AGO2: variants seen among roughly 807,000 people sequenced by gnomAD.
The protein encoded by AGO2 is protein argonaute-2.
In AGO2, 5 loss-of-function variants were observed where a neutral mutation model predicts 102.3. The ratio of observed to expected loss-of-function variants is 0.05; its 90% CI spans 0.03 to 0.10. AGO2 has a LOEUF of 0.10. AGO2 is among the 10% of genes least tolerant of loss of function. AGO2 has a pLI of 1.00. For missense variants in AGO2, 541 were observed against 1,183.7 expected (o/e 0.46, Z 7.97); for synonymous variants, 449 against 473.1 (o/e 0.95, Z 0.66).
chr8:140,622,110 T>C (rs544832592), intron 1 of AGO2, among the ~76,000 whole-genome samples: 2 of 152,296 alleles, frequency 1.3e-5, no homozygotes, highest in African/African-American at 4.8e-5. Context: ...CGTGAAGACA[T>C]GCCGAGTGAA....
At chr8:140,617,481 G>A (rs998600884) in intron 1 of AGO2, among the ~76,000 whole-genome samples, 1 of 152,122 alleles carries the variant, frequency 6.6e-6, no homozygotes, top group African/African-American at 2.4e-5. Flanking sequence ...TTGAACTCCT[G>A]ACCTCAAGTG....
At chr8:140,549,611 C>T (rs746552216) in intron 11 of AGO2, among the ~76,000 whole-genome samples, 1 of 152,256 alleles carries the variant, frequency 6.6e-6, no homozygotes, top group Non-Finnish European at 1.5e-5. Context: ...GCGGCTGTGG[C>T]GGCCCCAGGG....
At position 140,533,122 on chromosome 8, in the gene AGO2, G is replaced by C. The variant is rs560664336; in HGVS notation, c.2272-507C>G. On this transcript the variant is annotated intron_variant, in intron 17 of 18. Coordinates refer to ENST00000220592, the MANE Select transcript of AGO2 (RefSeq NM_012154.5). ...GATATAAAGCAGGCTGGGCCCGGTG[G>C]CTCACACCTGTAATCCCAGCACTTT... 2.0e-5 allele frequency among the ~76,000 whole-genome samples: 3 copies of C among 152,066 alleles called. No individual in the cohort carries two copies. The East Asian group carries it at 5.8e-4, about 29-fold the overall frequency.
At chr8:140,628,406 T>C (rs988440444) in intron 1 of AGO2, among the ~76,000 whole-genome samples, 3 of 151,112 alleles carry the variant, frequency 2.0e-5, no homozygotes, top group African/African-American at 7.4e-5. Context: ...TGCGTGTGTG[T>C]GTGTTACATA....
At chr8:140,633,147 G>A (rs1051457233) in intron 1 of AGO2, among the ~76,000 whole-genome samples, 2 of 152,042 alleles carry the variant, frequency 1.3e-5, no homozygotes, top group Admixed American at 6.6e-5. Flanking sequence ...TCTTGACCTC[G>A]TGATCCGCCC....
chr8:140,571,224 G>A (rs567327482), intron 3 of AGO2, among the ~76,000 whole-genome samples: 8 of 152,282 alleles, frequency 5.3e-5, no homozygotes, highest in African/African-American at 1.9e-4. Flanking sequence ...GCCCTATATC[G>A]TAACTCGGTC....
intron 14 of AGO2, among the ~76,000 whole-genome samples, chr8:140,543,728 T>C (rs1439125198): frequency 6.6e-6 from 1 of 152,244 alleles, no homozygotes; most frequent in African/African-American, 2.4e-5. Flanking sequence ...CGACATCATT[T>C]CCTAATTCTC....
chr8:140,605,382 C>T (rs1208640454), intron 1 of AGO2, among the ~76,000 whole-genome samples: 1 of 152,182 alleles, frequency 6.6e-6, no homozygotes. Context: ...CAGGTGTGAG[C>T]CAATGCACCC....
chr8:140,595,993 T>TTA (rs897058790), intron 1 of AGO2, among the ~76,000 whole-genome samples: 5 of 121,996 alleles, frequency 4.1e-5, no homozygotes, highest in African/African-American at 6.3e-5. Flanking sequence ...AATATATATA[T>TTA]TATATATATA....
Position 140,531,322 on chromosome 8 carries a change from T to G in AGO2, c.*722A>C, listed in dbSNP as rs867041693. 1.3e-5 allele frequency: 2 copies of G among 152,724 alleles called. No homozygotes were observed. The highest frequency in any genetic ancestry group is 3.4e-3 in the Middle Eastern group (1 of 294). 9.5% of individuals were successfully genotyped at this position (152,724 alleles called of 1,614,324 possible). On this transcript the variant is annotated 3_prime_UTR_variant, in exon 19 of 19. Coordinates refer to ENST00000220592, the MANE Select transcript of AGO2 (RefSeq NM_012154.5). ...ACAAATCTGATGATTAGACTGTCAG[T>G]ATATTGTCTTTTTTCTTTTTTTAAA... is the stretch of plus-strand genomic sequence containing the variant.
intron 8 of AGO2, 41 bp from the exon 9 acceptor site, chr8:140,556,327 G>A (rs533894742): frequency 8.7e-6 from 14 of 1,608,790 alleles, no homozygotes; most frequent in Middle Eastern, 1.7e-4. Context: ...GTGCCGCACT[G>A]GAGTGACCAG....
In AGO2 at chr8:140,527,075, G is replaced by A. The variant is rs1479218696; in HGVS notation, c.*4969C>T. On this transcript the variant is annotated 3_prime_UTR_variant, in exon 19 of 19. Transcript: ENST00000220592. This position sits in a 1 kb window ranked among gnomAD's most constrained non-coding sequence, Gnocchi z 6.0. ...AGGCTGGGTGGAACTCAAAGACCAT[G>A]CTTTGGAGAGCCACGGTAAGCGACG... The A allele has an allele frequency of 6.6e-6, 1 of 152,202 alleles. No individual in the cohort carries two copies. Among genetic ancestry groups the A allele is most frequent in the Non-Finnish European group, 1.5e-5 (1 of 68,048 alleles). The allele number at this position is 152,202 out of a possible 1,614,324, so 9.4% of individuals were successfully genotyped here.
chr8:140,589,447 A>G lies in AGO2; in HGVS notation c.23-4136T>C, dbSNP rs1262453351. 2.6e-5 allele frequency among the ~76,000 whole-genome samples: 4 copies of G among 152,140 alleles called. No homozygotes were observed. Among genetic ancestry groups the G allele is most frequent in the Non-Finnish European group, 5.9e-5 (4 of 68,008 alleles). On this transcript the variant is annotated intron_variant, in intron 1 of 18. Transcript: ENST00000220592. This position sits in a 1 kb window ranked among gnomAD's most constrained non-coding sequence, Gnocchi z 4.2. ...CGCTGTGAGGCTGGCACAGGGGCCC[A>G]GGGCTGTCTCCTAGGAAGCCGGCCC...
Position 140,567,671 on chromosome 8 carries a change from C to T in AGO2, c.337-5037G>A, listed in dbSNP as rs1170190850. Among the ~76,000 whole-genome samples the T allele has an allele frequency of 3.9e-5, 6 of 152,322 alleles. No individual in the cohort carries two copies. The highest frequency in any genetic ancestry group is 7.2e-5 in the African/African-American group (3 of 41,564). On this transcript the variant is annotated intron_variant, in intron 3 of 18. Transcript: ENST00000220592. The surrounding 1 kb of genome is among the most constrained non-coding windows in gnomAD (Gnocchi z 5.0). ...AGGACTCGATCCAAGGCCTGGAGCA[C>T]GGCGAGGCACCTGTGACATCCAATC...
chr8:140,620,556 A>G (rs775317615), intron 1 of AGO2, among the ~76,000 whole-genome samples: 1 of 152,192 alleles, frequency 6.6e-6, no homozygotes, highest in Non-Finnish European at 1.5e-5. Flanking sequence ...TTTTTCCACA[A>G]TAAAAAGCCC....
chr8:140,552,711 T>G (rs2073018710), intron 10 of AGO2, among the ~76,000 whole-genome samples: 1 of 149,954 alleles, frequency 6.7e-6, no homozygotes, highest in Non-Finnish European at 1.5e-5. Context: ...CACATGCACA[T>G]GAACACACGC....
At chr8:140,562,392 G>C in intron 4 of AGO2, 61 bp downstream of exon 4, 1 of 1,552,116 alleles carries the variant, frequency 6.4e-7, no homozygotes, top group Non-Finnish European at 8.7e-7. Context: ...TTCAGACCCT[G>C]CGGGGGGCCC....
At chr8:140,544,739 G>C (rs1392336755) in intron 13 of AGO2, among the ~76,000 whole-genome samples, 1 of 152,206 alleles carries the variant, frequency 6.6e-6, no homozygotes, top group Non-Finnish European at 1.5e-5. Context: ...ACGCTGAGAG[G>C]CCTCCACTCA....
At chr8:140,610,234 A>G (rs555475579) in intron 1 of AGO2, among the ~76,000 whole-genome samples, 5 of 152,066 alleles carry the variant, frequency 3.3e-5, no homozygotes, top group African/African-American at 1.2e-4. Flanking sequence ...CCCAAAACCA[A>G]AAACCAAAGA....
Sources: allele counts gnomAD v4.1 joint callset (sites outside exome capture counted in the v4.1 genomes callset), GRCh38; gene constraint gnomAD v4.1.1; non-coding constraint Gnocchi (gnomAD v3.1); transcripts MANE v1.5; gene names NCBI Gene and HGNC (gene_info 2026-07-23, HGNC 2026-07-21).